Variants in TACC1 observed in about 807,000 individuals in gnomAD.
TACC1 encodes the protein transforming acidic coiled-coil-containing protein 1.
A neutral mutation model predicts 84.4 loss-of-function variants in TACC1; 48 were observed. The observed-to-expected ratio is 0.57, with a 90% CI of 0.45 to 0.72. The LOEUF (loss-of-function observed/expected upper bound fraction) is 0.72, where lower values mean the gene tolerates loss of function less well. TACC1 is among the 30% of genes least tolerant of loss of function. The pLI is 0.00. For synonymous variants in TACC1, 372 were observed against 376.3 expected, an observed-to-expected ratio of 0.99 and a Z score of 0.13; for missense variants, 920 against 973.0, an observed-to-expected ratio of 0.95 and a Z score of 0.72.
At chr8:38,758,121 A>C (rs765753312) in intron 3 of TACC1, among the ~76,000 whole-genome samples, 18 of 152,154 alleles carry the variant, frequency 1.2e-4, no homozygotes, top group Non-Finnish European at 2.6e-4. Flanking sequence ...ATATTTATTT[A>C]TTTATTTATT....
intron 3 of TACC1, among the ~76,000 whole-genome samples, chr8:38,773,589 GCTATCTATCTATCTAGCTATCTATCTA>G (rs1814137691): frequency 6.9e-6 from 1 of 144,722 alleles, no homozygotes; most frequent in African/African-American, 2.7e-5. Flanking sequence ...TATCTATCTA[GCTATCTATCTATCTAGCTATCTATCTA>G]GCTATCTATC....
intron 3 of TACC1, among the ~76,000 whole-genome samples, chr8:38,747,091 A>T (rs1808224899): frequency 6.6e-6 from 1 of 152,232 alleles, no homozygotes; most frequent in Non-Finnish European, 1.5e-5. Context: ...ATGCCAAAAA[A>T]TTTGAAAAGC....
chr8:38,791,141 A>G (rs1180891542), intron 2 of TACC1, among the ~76,000 whole-genome samples: 2 of 152,144 alleles, frequency 1.3e-5, no homozygotes, highest in African/African-American at 4.8e-5. Context: ...TGCTAGACTG[A>G]TTCATCCCGC....
intron 3 of TACC1, among the ~76,000 whole-genome samples, chr8:38,764,078 CCTTTT>C (rs1228803541): frequency 1.3e-5 from 2 of 151,942 alleles, no homozygotes; most frequent in African/African-American, 4.8e-5. Context: ...TGCTCAGCAT[CCTTTT>C]CTTTTCTTTT....
chr8:38,778,839 G>A (rs191815704), intron 3 of TACC1, among the ~76,000 whole-genome samples: 17 of 152,258 alleles, frequency 1.1e-4, no homozygotes, highest in African/African-American at 3.4e-4. Context: ...GAAGTATAGC[G>A]AAAGAGCATC....
At chr8:38,813,527 G>A (rs1433687122) in intron 2 of TACC1, among the ~76,000 whole-genome samples, 1 of 152,178 alleles carries the variant, frequency 6.6e-6, no homozygotes, top group African/African-American at 2.4e-5. Flanking sequence ...CTGTTTATCT[G>A]TTAATAGGAT....
At chr8:38,734,782 C>T (rs1056072748) in intron 1 of TACC1, among the ~76,000 whole-genome samples, 2 of 152,242 alleles carry the variant, frequency 1.3e-5, no homozygotes, top group Admixed American at 6.5e-5. Flanking sequence ...TAGTTAGCTG[C>T]GATGCCCCCT....
chr8:38,826,223 C>CTT (rs1563835757), intron 4 of TACC1, among the ~76,000 whole-genome samples: 1 of 152,134 alleles, frequency 6.6e-6, no homozygotes, highest in Non-Finnish European at 1.5e-5. Flanking sequence ...AATTTACAAT[C>CTT]TGAGTTATTT....
chr8:38,757,484 C>T (rs906056044), intron 3 of TACC1: 7 of 1,092,422 alleles, frequency 6.4e-6, no homozygotes, highest in Non-Finnish European at 7.9e-6. Context: ...GCGCTGGGGC[C>T]CGTCCCAGAA....
chr8:38,772,041 GA>G lies in TACC1; in HGVS notation c.27-16662del, dbSNP rs1563372126. On this transcript the variant is annotated intron_variant, in intron 3 of 14. Coordinates refer to the TACC1 transcript ENST00000518415. ...AGAAAGAAAAAGAGAGAGAGAGAGA[GA>G]GAGAGAGAGAGGAAGGAAGGAAGGC... Among the ~76,000 whole-genome samples, 44 of 152,234 alleles carry G rather than the reference GA, an allele frequency of 2.9e-4. 1 individual carries two copies. The highest frequency in any genetic ancestry group is 9.6e-4 in the African/African-American group (40 of 41,516).
At chr8:38,760,311 T>C (rs1810969700) in intron 3 of TACC1, among the ~76,000 whole-genome samples, 1 of 152,200 alleles carries the variant, frequency 6.6e-6, no homozygotes, top group South Asian at 2.1e-4. Flanking sequence ...AAGAAGCCAA[T>C]GAGCCAGCTT....
chr8:38,827,120 A>G (rs779666473), intron 4 of TACC1, 48 bp from the exon 5 acceptor site: 1 of 1,554,130 alleles, frequency 6.4e-7, no homozygotes, highest in East Asian at 2.2e-5. Flanking sequence ...ACTTTTCCCC[A>G]TTGCTTGCCC....
chr8:38,831,284 T>C, intron 6 of TACC1, 107 bp downstream of exon 6: 2 of 1,105,034 alleles, frequency 1.8e-6, no homozygotes, highest in South Asian at 2.6e-5. Context: ...GTGATGAGGA[T>C]AAAATGTAAA....
intron 3 of TACC1, among the ~76,000 whole-genome samples, chr8:38,756,113 C>G (rs900064221): frequency 6.6e-6 from 1 of 151,718 alleles, no homozygotes; most frequent in Admixed American, 6.6e-5. Flanking sequence ...CGCGCCCGGC[C>G]GGGAAGAGAG....
intron 1 of TACC1, among the ~76,000 whole-genome samples, chr8:38,737,728 T>C (rs2151647133): frequency 6.6e-6 from 1 of 150,664 alleles, no homozygotes; most frequent in Non-Finnish European, 1.5e-5. Context: ...TTGGGAGCCA[T>C]TCTTTTTTTT....
intron 3 of TACC1, among the ~76,000 whole-genome samples, chr8:38,773,142 A>G (rs1365838168): frequency 6.6e-6 from 1 of 151,898 alleles, no homozygotes; most frequent in Non-Finnish European, 1.5e-5. Context: ...CCTGACCAAC[A>G]TGGTGAAACC....
rs1828333904 is a variant in TACC1 at position 38,827,366 on chromosome 8, T to C, written c.1651T>C (p.Ser551Pro). The change falls in exon 5 of 13, where the codon TCA (serine) becomes CCA (proline). Residue 551 changes from serine (S) to proline (P), a missense_variant. Ser to Pro is a moderately conservative substitution (Grantham distance 74, BLOSUM62 -1). Transcript: ENST00000317827. The part of the protein sequence containing the change: ...VSTINHAFSS[S>P]EAGIEKETCQ... ...TACCATAAATCATGCGTTTTCATCC[T>C]CAGAAGCAGGTATGGAAGCATATCT... The C allele has an allele frequency of 3.7e-6, 6 of 1,614,054 alleles. No homozygotes were observed. Among genetic ancestry groups the C allele is most frequent in the Non-Finnish European group, 5.1e-6 (6 of 1,180,018 alleles).
At position 38,842,409 on chromosome 8, in the gene TACC1, T is replaced by C. The variant is rs757860535; in HGVS notation, c.2083T>C (p.Tyr695His). The C allele has an allele frequency of 6.2e-7, 1 of 1,613,766 alleles. No homozygotes were observed. The highest frequency in any genetic ancestry group is 8.5e-7 in the Non-Finnish European group (1 of 1,179,910). ...ERSLSDLFRR[Y>H]ENLKGVLEGF... ...GTCCCTTTCTGATCTCTTCAGGAGATATGAGAACCTGAAAGGTGTTCTGGA... is the reference window on the plus strand; with the variant it reads ...GTCCCTTTCTGATCTCTTCAGGAGACATGAGAACCTGAAAGGTGTTCTGGA... Residue 695 changes from tyrosine to histidine, a missense_variant, in exon 10 of 13, where the codon TAT becomes CAT. Transcript: ENST00000317827.
intron 3 of TACC1, among the ~76,000 whole-genome samples, chr8:38,762,773 T>A (rs1014166495): frequency 6.6e-6 from 1 of 152,156 alleles, no homozygotes; most frequent in Non-Finnish European, 1.5e-5. Flanking sequence ...GCCAGGCTGA[T>A]CTCAAACTCC....
Sources: allele counts gnomAD v4.1 joint callset (sites outside exome capture counted in the v4.1 genomes callset), GRCh38; gene constraint gnomAD v4.1.1; transcripts MANE v1.5; gene names NCBI Gene and HGNC (gene_info 2026-07-23, HGNC 2026-07-21).